DDX46: variants seen among roughly 807,000 people sequenced by gnomAD.
DDX46 encodes the protein probable ATP-dependent RNA helicase DDX46.
In DDX46, 30 loss-of-function variants were observed where a neutral mutation model predicts 134.9. The observed-to-expected ratio is 0.22, with a 90% CI of 0.17 to 0.30. DDX46 has a LOEUF of 0.30. DDX46 is among the 10% of genes least tolerant of loss of function. The pLI is 1.00. For missense variants in DDX46, 622 were observed against 1,248.7 expected (o/e 0.50, Z 7.56); for synonymous variants, 415 against 404.1 (o/e 1.03, Z -0.32).
At chr5:134,769,144 A>G (rs1753676379) in intron 3 of DDX46, among the ~76,000 whole-genome samples, 1 of 152,120 alleles carries the variant, frequency 6.6e-6, no homozygotes, top group African/African-American at 2.4e-5. Flanking sequence ...TATATAAATT[A>G]TCTTGCAGAA....
chr5:134,799,057 A>G (rs753797752), intron 15 of DDX46, among the ~76,000 whole-genome samples: 1 of 152,182 alleles, frequency 6.6e-6, no homozygotes, highest in Non-Finnish European at 1.5e-5. Flanking sequence ...GGATGTAGGT[A>G]ATATGGGCTT....
intron 8 of DDX46, 45 bp from the exon 9 acceptor site, chr5:134,782,900 A>G (rs1754199074): frequency 5.0e-6 from 8 of 1,598,904 alleles, no homozygotes; most frequent in Non-Finnish European, 6.0e-6. Flanking sequence ...GAAGACACCA[A>G]TAGAACAATA....
At chr5:134,764,502 C>T (rs886501493) in intron 2 of DDX46, among the ~76,000 whole-genome samples, 2 of 152,080 alleles carry the variant, frequency 1.3e-5, no homozygotes, top group African/African-American at 4.8e-5. Flanking sequence ...AGGCTGCTCT[C>T]GATCTCCTGG....
chr5:134,798,163 G>A (rs1268776384), intron 15 of DDX46, among the ~76,000 whole-genome samples: 4 of 147,318 alleles, frequency 2.7e-5, no homozygotes, highest in Non-Finnish European at 4.5e-5. Context: ...AAATATCCCC[G>A]CCCCCCACCG....
intron 22 of DDX46, 22 bp from the exon 23 acceptor site, chr5:134,828,635 CAT>C (rs774440793): frequency 1.4e-6 from 2 of 1,401,716 alleles, no homozygotes; most frequent in East Asian, 2.6e-5. Flanking sequence ...TCTCTGATGA[CAT>C]ATCTTTTATT....
intron 15 of DDX46, among the ~76,000 whole-genome samples, chr5:134,804,327 T>C (rs930213524): frequency 3.9e-5 from 6 of 152,208 alleles, no homozygotes; most frequent in Non-Finnish European, 7.3e-5. Context: ...TGCCACAGAC[T>C]AAATGACATG....
intron 16 of DDX46, among the ~76,000 whole-genome samples, chr5:134,809,784 G>A (rs934191037): frequency 6.6e-6 from 1 of 152,074 alleles, no homozygotes; most frequent in Admixed American, 6.5e-5. Flanking sequence ...CGAGGCGGGC[G>A]GATCACCTGA....
chr5:134,819,000 T>C lies in DDX46; in HGVS notation c.2973T>C (p.Ile991=), dbSNP rs908536345. 1.9e-6 allele frequency: 3 copies of C among 1,613,322 alleles called. No homozygotes were observed. In the Admixed American group the frequency reaches 5.0e-5, roughly 27 times the overall value. Reference sequence around the variant, plus strand: ...GCGAGCGGAAGATTTACTTGGCAATTGAAAGTATGTACTGTTAGTTCTGTT... The same window carrying C: ...GCGAGCGGAAGATTTACTTGGCAATCGAAAGTATGTACTGTTAGTTCTGTT... ...KEGERKIYLA[I]ESANELAVQK... The change falls in exon 21 of 23, where the codon ATT becomes ATC. Residue 991 remains isoleucine (I), a synonymous_variant. Transcript: ENST00000452510.
chr5:134,823,114 A>C (rs1755499064), intron 21 of DDX46, among the ~76,000 whole-genome samples: 1 of 150,808 alleles, frequency 6.6e-6, no homozygotes, highest in Non-Finnish European at 1.5e-5. Context: ...GTATACTAGC[A>C]ACTAACTCAG....
At chr5:134,811,160 T>A in intron 16 of DDX46, 61 bp from the exon 17 acceptor site, 1 of 1,444,596 alleles carries the variant, frequency 6.9e-7, no homozygotes, top group Non-Finnish European at 9.5e-7. Context: ...TTTTATCTTA[T>A]GATCTAAGTA....
rs370997918 is a variant in DDX46, at chr5:134,762,891, C to T, written c.18-1013C>T. On this transcript the variant is annotated intron_variant, in intron 1 of 22. Coordinates refer to ENST00000452510, the MANE Select transcript of DDX46 (RefSeq NM_001300860.2). Reference sequence around the variant, plus strand: ...CTAACATGGTGAAACCCCATCTCTTCTAAAAATGCAAAAAAAATTTAGCCT... The same window carrying T: ...CTAACATGGTGAAACCCCATCTCTTTTAAAAATGCAAAAAAAATTTAGCCT... 5.3e-5 allele frequency among the ~76,000 whole-genome samples: 8 copies of T among 152,056 alleles called. No individual in the cohort carries two copies. The East Asian group carries it at 1.4e-3, about 26-fold the overall frequency.
chr5:134,783,725 T>A (rs1754242277), intron 9 of DDX46, among the ~76,000 whole-genome samples: 1 of 150,696 alleles, frequency 6.6e-6, no homozygotes, highest in Non-Finnish European at 1.5e-5. Flanking sequence ...AATTTTGTAT[T>A]TTTAGTAGAG....
intron 13 of DDX46, among the ~76,000 whole-genome samples, chr5:134,791,662 C>T (rs1157448429): frequency 6.6e-6 from 1 of 151,928 alleles, no homozygotes; most frequent in Non-Finnish European, 1.5e-5. Flanking sequence ...TTATAAGAGA[C>T]CATAGTAATG....
intron 18 of DDX46, among the ~76,000 whole-genome samples, 191 bp downstream of exon 18, chr5:134,812,036 C>T (rs1755159946): frequency 6.7e-6 from 1 of 149,900 alleles, no homozygotes; most frequent in Non-Finnish European, 1.5e-5. Context: ...CACTCATTAG[C>T]ACTTCAAAGG....
In DDX46 at chr5:134,781,784, TCAAA is replaced by T. The variant is rs1244489979; in HGVS notation, c.880-134_880-131del. 10 of 811,562 alleles carry T rather than the reference TCAAA, an allele frequency of 1.2e-5. No homozygotes were observed. In the East Asian group the frequency reaches 2.7e-4, roughly 22 times the overall value. 50.3% of individuals were successfully genotyped at this position (811,562 alleles called of 1,614,324 possible). A position where few individuals can be genotyped will look rare whatever the true frequency, so the allele number is the denominator to read the frequency against. ...TGGAGCACTATAAAAATCTTGTGGG[TCAAA>T]CAGTGTGTCGTAGAAAGTAAAATAT... On this transcript the variant is annotated intron_variant, in intron 7 of 22. Coordinates refer to ENST00000452510, the MANE Select transcript of DDX46 (RefSeq NM_001300860.2).
At chr5:134,810,456 C>T (rs952076265) in intron 16 of DDX46, among the ~76,000 whole-genome samples, 2 of 151,598 alleles carry the variant, frequency 1.3e-5, no homozygotes, top group African/African-American at 2.4e-5. Flanking sequence ...TCTCCTGCAT[C>T]AGCCTCCCAA....
chr5:134,795,314 C>T (rs1415383464), intron 14 of DDX46, among the ~76,000 whole-genome samples: 2 of 147,460 alleles, frequency 1.4e-5, no homozygotes, highest in African/African-American at 2.5e-5. Flanking sequence ...CTATCTTTGT[C>T]CATGCTAAGT....
At chr5:134,796,224 T>C in intron 15 of DDX46, 74 bp downstream of exon 15, 1 of 1,506,178 alleles carries the variant, frequency 6.6e-7, no homozygotes, top group African/African-American at 1.4e-5. Context: ...TTCTCGATGA[T>C]ACTTACTTTG....
chr5:134,813,873 C>T (rs1755216278), intron 18 of DDX46, among the ~76,000 whole-genome samples: 2 of 152,080 alleles, frequency 1.3e-5, no homozygotes, highest in Non-Finnish European at 2.9e-5. Flanking sequence ...GATCCTCCTG[C>T]CTCAGCCTCC....
Sources: gnomAD v4.1 joint callset for allele counts (sites outside exome capture counted in the v4.1 genomes callset) on GRCh38, gnomAD v4.1.1 for gene constraint, MANE v1.5 for transcripts, NCBI Gene and HGNC (gene_info 2026-07-23, HGNC 2026-07-21) for gene names.